The following EML6 variants were observed in gnomAD, a reference collection of about 807,000 sequenced individuals.
The protein encoded by EML6 is EMAP like 6, also known as echinoderm microtubule-associated protein-like 6.
Under a neutral mutation model 240.1 loss-of-function variants are expected in EML6, and 154 were observed. The observed-to-expected ratio is 0.64, with a 90% CI of 0.56 to 0.73. The LOEUF (loss-of-function observed/expected upper bound fraction) is 0.73, where lower values mean the gene tolerates loss of function less well. Ranked by LOEUF, EML6 falls within the 30% of genes least tolerant of loss-of-function variation. EML6 has a pLI of 0.00. For synonymous variants in EML6, 1,148 were observed against 899.0 expected (o/e 1.28, Z -4.95); for missense variants, 2,964 against 2,474.6 (o/e 1.20, Z -4.20).
At chr2:54,968,597 G>C in intron 40 of EML6, 71 bp from the exon 41 acceptor site, 1 of 881,054 alleles carries the variant, frequency 1.1e-6, no homozygotes, top group Non-Finnish European at 1.9e-6. Flanking sequence ...GGATTTGAGT[G>C]CTGGAAGTAG....
rs1367181535 is a variant in EML6, at chr2:54,793,088, T to C, written c.198-20144T>C. ...TTTGAGACCAGTCTCGTCAACATCG[T>C]GTAACTCCATCTCTACAAAATTACA... On this transcript the variant is annotated intron_variant, in intron 2 of 41. Coordinates refer to ENST00000356458, the MANE Select transcript of EML6 (RefSeq NM_001039753.4). Among the ~76,000 whole-genome samples, 3 of 152,232 alleles carry C rather than the reference T, an allele frequency of 2.0e-5. No homozygotes were observed. The South Asian group carries it at 6.2e-4, about 32-fold the overall frequency.
chr2:54,932,355 C>CT (rs1368501470), intron 28 of EML6, among the ~76,000 whole-genome samples: 1 of 152,276 alleles, frequency 6.6e-6, no homozygotes, highest in South Asian at 2.1e-4. Context: ...GTCATGAAGT[C>CT]TTTTTTACTT....
chr2:54,930,971 T>G, intron 28 of EML6, among the ~76,000 whole-genome samples: 1 of 148,374 alleles, frequency 6.7e-6, no homozygotes, highest in Non-Finnish European at 1.5e-5. Context: ...TTTTTTTTTT[T>G]TTTTGAGACG....
chr2:54,743,336 C>T (rs1008771620), intron 2 of EML6, among the ~76,000 whole-genome samples: 6 of 152,310 alleles, frequency 3.9e-5, no homozygotes, highest in East Asian at 1.9e-4. Context: ...GTGGGGAGAT[C>T]GTGCGAACTC....
At chr2:54,958,261 G>A (rs957731632) in intron 33 of EML6, among the ~76,000 whole-genome samples, 9 of 152,016 alleles carry the variant, frequency 5.9e-5, no homozygotes, top group Non-Finnish European at 1.0e-4. Context: ...GCGCAATCTC[G>A]GCTCACTGCA....
At position 54,815,254 on chromosome 2, in the gene EML6, A is replaced by T. The variant is rs1352898572; in HGVS notation, c.358-1533A>T. Among the ~76,000 whole-genome samples the T allele has an allele frequency of 2.0e-5, 3 of 152,156 alleles. No homozygotes were observed. In the East Asian group the frequency reaches 5.8e-4, roughly 29 times the overall value. The stretch of plus-strand genomic sequence containing the variant: ...GGTGGGTGGGGGTGGATTGCATGGT[A>T]CTTAACTGTCAGGTGAGAGAAATAA... On this transcript the variant is annotated intron_variant, in intron 3 of 41. Coordinates refer to ENST00000356458, the MANE Select transcript of EML6 (RefSeq NM_001039753.4).
intron 28 of EML6, among the ~76,000 whole-genome samples, chr2:54,933,298 A>C (rs1237889476): frequency 6.6e-6 from 1 of 152,200 alleles, no homozygotes; most frequent in Non-Finnish European, 1.5e-5. Flanking sequence ...ACCTGCCACC[A>C]TAGACTAGCA....
At chr2:54,806,143 G>T (rs1302007981) in intron 2 of EML6, among the ~76,000 whole-genome samples, 1 of 152,062 alleles carries the variant, frequency 6.6e-6, no homozygotes, top group Non-Finnish European at 1.5e-5. Flanking sequence ...ATATATACAT[G>T]TATGTATATA....
chr2:54,861,641 G>C (rs991559987), intron 12 of EML6, among the ~76,000 whole-genome samples: 2 of 152,082 alleles, frequency 1.3e-5, no homozygotes, highest in East Asian at 3.9e-4. Context: ...AGCTCTAGGG[G>C]CCACCAAAAC....
intron 17 of EML6, chr2:54,882,925 T>G (rs1045413355): frequency 6.7e-6 from 1 of 148,646 alleles, no homozygotes; most frequent in Non-Finnish European, 1.5e-5. Context: ...GTATCGAACT[T>G]CCAAGTAAGC....
intron 10 of EML6, 21 bp downstream of exon 10, chr2:54,850,239 G>A: frequency 6.5e-7 from 1 of 1,543,284 alleles, no homozygotes; most frequent in East Asian, 2.5e-5. Context: ...TGGAGGCCTT[G>A]GATGTTTCTG....
At chr2:54,794,927 T>G (rs1003203156) in intron 2 of EML6, among the ~76,000 whole-genome samples, 3 of 152,182 alleles carry the variant, frequency 2.0e-5, no homozygotes, top group Non-Finnish European at 2.9e-5. Context: ...GGATATTGAT[T>G]ACCTTAAGAA....
chr2:54,806,484 G>T (rs113114863), intron 2 of EML6, among the ~76,000 whole-genome samples: 2 of 151,690 alleles, frequency 1.3e-5, no homozygotes, highest in Non-Finnish European at 2.9e-5. Flanking sequence ...GTGGTAGCAC[G>T]TGCCTGTAAT....
intron 2 of EML6, among the ~76,000 whole-genome samples, chr2:54,794,644 C>G (rs1414673088): frequency 1.3e-5 from 2 of 152,092 alleles, no homozygotes; most frequent in Non-Finnish European, 2.9e-5. Context: ...TGCATAATGC[C>G]CCTTTTTCCT....
chr2:54,910,012 A>G (rs543113826), intron 24 of EML6, among the ~76,000 whole-genome samples: 4 of 152,210 alleles, frequency 2.6e-5, no homozygotes, highest in Admixed American at 6.6e-5. Context: ...TAGTTATGGG[A>G]AAAAACAAAA....
chr2:54,830,622 C>G (rs1313665391), intron 7 of EML6, among the ~76,000 whole-genome samples: 1 of 152,166 alleles, frequency 6.6e-6, no homozygotes, highest in Non-Finnish European at 1.5e-5. Context: ...GCGCGGTGCT[C>G]TCTGCCGGCC....
At chr2:54,955,347 C>G (rs1676183073) in intron 32 of EML6, among the ~76,000 whole-genome samples, 1 of 152,130 alleles carries the variant, frequency 6.6e-6, no homozygotes, top group African/African-American at 2.4e-5. Context: ...AGGACCCATC[C>G]TAAGGAGAAA....
chr2:54,823,253 C>A (rs537395055), intron 5 of EML6, among the ~76,000 whole-genome samples: 127 of 152,252 alleles, frequency 8.3e-4, no homozygotes, highest in African/African-American at 3.0e-3. Flanking sequence ...GATGGAGATG[C>A]TGCTTAGGCT....
At chr2:54,896,828 A>G (rs573184217) in intron 21 of EML6, among the ~76,000 whole-genome samples, 71 of 152,292 alleles carry the variant, frequency 4.7e-4, no homozygotes, top group African/African-American at 1.1e-3. Context: ...GCAAGGCTTT[A>G]AAAACACAGG....
Sources: gnomAD v4.1 joint callset for allele counts (sites outside exome capture counted in the v4.1 genomes callset) on GRCh38, gnomAD v4.1.1 for gene constraint, MANE v1.5 for transcripts, NCBI Gene and HGNC (gene_info 2026-07-23, HGNC 2026-07-21) for gene names.